LTBP1: variants seen among roughly 807,000 people sequenced by gnomAD.
The protein encoded by LTBP1 is latent-transforming growth factor beta-binding protein 1.
A neutral mutation model predicts 207.6 loss-of-function variants in LTBP1; 129 were observed. The ratio of observed to expected loss-of-function variants is 0.62; its 90% CI spans 0.54 to 0.72. The LOEUF (loss-of-function observed/expected upper bound fraction) is 0.72. Ranked by LOEUF, LTBP1 falls within the 30% of genes least tolerant of loss-of-function variation. The pLI, the probability that LTBP1 is intolerant of heterozygous loss-of-function variation, is 0.00. For synonymous variants in LTBP1, 963 were observed against 833.7 expected, an observed-to-expected ratio of 1.16 and a Z score of -2.67; for missense variants, 2,281 against 2,217.2, an observed-to-expected ratio of 1.03 and a Z score of -0.58.
At chr2:33,349,778 A>G (rs1053034953) in intron 26 of LTBP1, among the ~76,000 whole-genome samples, 10 of 152,218 alleles carry the variant, frequency 6.6e-5, no homozygotes, top group African/African-American at 2.2e-4. Flanking sequence ...TTACATTCAT[A>G]TTGTACTGGT....
At chr2:33,320,717 G>T (rs963900420) in intron 24 of LTBP1, among the ~76,000 whole-genome samples, 1 of 152,164 alleles carries the variant, frequency 6.6e-6, no homozygotes, top group African/African-American at 2.4e-5. Context: ...ATCAGATAAA[G>T]TACAACGCCA....
intron 7 of LTBP1, among the ~76,000 whole-genome samples, chr2:33,201,552 A>G (rs571296382): frequency 2.7e-4 from 41 of 152,172 alleles, no homozygotes; most frequent in African/African-American, 7.5e-4. Flanking sequence ...TGGGTGCAGC[A>G]CACCAGCATG....
intron 15 of LTBP1, among the ~76,000 whole-genome samples, chr2:33,264,479 T>C (rs2148089001): frequency 6.6e-6 from 1 of 152,266 alleles, no homozygotes; most frequent in African/African-American, 2.4e-5. Context: ...TTTTATATTC[T>C]GAAACAAATG....
intron 4 of LTBP1, among the ~76,000 whole-genome samples, chr2:33,114,236 G>C (rs1217376218): frequency 1.3e-5 from 2 of 152,210 alleles, no homozygotes; most frequent in Non-Finnish European, 2.9e-5. Flanking sequence ...GTATCATCTA[G>C]AGTAGGGATT....
At chr2:33,179,928 G>T (rs894471146) in intron 5 of LTBP1, among the ~76,000 whole-genome samples, 3 of 152,140 alleles carry the variant, frequency 2.0e-5, no homozygotes, top group African/African-American at 7.2e-5. Context: ...GCCTGTGTCT[G>T]TATCTGAAAC....
At position 33,237,962 on chromosome 2, in the gene LTBP1, G is replaced by A. The variant is rs150348384; in HGVS notation, c.1877-5700G>A. 8.9e-4 allele frequency among the ~76,000 whole-genome samples: 135 copies of A among 152,250 alleles called. 3 individuals are homozygous for A. In the South Asian group the frequency reaches 0.028, roughly 31 times the overall value. ...GATTAGTTCCCTTAAAAGTGTCTAA[G>A]CCTGTGTGTACCCTATAGAATATCT... is the stretch of plus-strand genomic sequence containing the variant. On this transcript the variant is annotated intron_variant, in intron 9 of 33. Transcript: ENST00000404816.
At chr2:33,309,099 A>G (rs2058824846) in intron 22 of LTBP1, among the ~76,000 whole-genome samples, 2 of 152,028 alleles carry the variant, frequency 1.3e-5, no homozygotes, top group Non-Finnish European at 2.9e-5. Flanking sequence ...ACTGGCCAAC[A>G]TGGTGAAACC....
At chr2:32,947,935 G>T in intron 1 of LTBP1, 117 bp downstream of exon 1, 1 of 921,774 alleles carries the variant, frequency 1.1e-6, no homozygotes, top group Non-Finnish European at 1.4e-6. Flanking sequence ...GCGCGCGGTG[G>T]GTCGGCTTTC....
At chr2:33,202,358 A>G (rs2089403907) in intron 7 of LTBP1, among the ~76,000 whole-genome samples, 1 of 152,182 alleles carries the variant, frequency 6.6e-6, no homozygotes, top group Non-Finnish European at 1.5e-5. Flanking sequence ...GGTTGGGTCG[A>G]TGCAGATGAG....
rs187346740 is a variant in LTBP1 at position 33,275,880 on chromosome 2, C to T, written c.2949C>T (p.Tyr983=). 1.9e-6 allele frequency: 3 copies of T among 1,610,620 alleles called. No homozygotes were observed. In the African/African-American group the frequency reaches 4.0e-5, roughly 21 times the overall value. The change falls in exon 18 of 34, where the codon TAC becomes TAT. Residue 983 remains tyrosine, a synonymous_variant. Coordinates refer to ENST00000404816, the MANE Select transcript of LTBP1 (RefSeq NM_206943.4). ...CTGTGGGGGCCTTCCGGTGTGAATA[C>T]TGTGACAGCGGGTACCGCATGACTC... ...VNTVGAFRCE[Y]CDSGYRMTQR...
intron 18 of LTBP1, among the ~76,000 whole-genome samples, chr2:33,276,332 C>T (rs1283342033): frequency 6.6e-6 from 1 of 152,150 alleles, no homozygotes; most frequent in Non-Finnish European, 1.5e-5. Flanking sequence ...CTTTCTTTTA[C>T]ATGTGTTCTG....
intron 7 of LTBP1, among the ~76,000 whole-genome samples, chr2:33,199,365 T>A (rs1195720941): frequency 6.6e-6 from 1 of 152,204 alleles, no homozygotes; most frequent in African/African-American, 2.4e-5. Flanking sequence ...CTGAAAAAAA[T>A]GTATATTCTG....
intron 24 of LTBP1, among the ~76,000 whole-genome samples, chr2:33,339,457 T>A (rs7595330): frequency 0.57 from 86,010 of 151,878 alleles, 25,675 homozygotes; most frequent in African/African-American, 0.76. Flanking sequence ...AAAGCCTACC[T>A]TTAGCAGTGG....
At chr2:33,210,422 G>A (rs1309806951) in intron 7 of LTBP1, among the ~76,000 whole-genome samples, 2 of 152,018 alleles carry the variant, frequency 1.3e-5, no homozygotes, top group East Asian at 3.9e-4. Flanking sequence ...TTCAGGGGAA[G>A]TACTAGATAT....
chr2:33,217,760 A>G (rs2090821714), intron 8 of LTBP1, 106 bp downstream of exon 8: 1 of 829,458 alleles, frequency 1.2e-6, no homozygotes. Context: ...GAACTCTCCT[A>G]CTGAATTCTA....
At chr2:33,121,621 T>G (rs934835480) in intron 4 of LTBP1, among the ~76,000 whole-genome samples, 1 of 152,222 alleles carries the variant, frequency 6.6e-6, no homozygotes, top group African/African-American at 2.4e-5. Flanking sequence ...CCTCCCACGC[T>G]TTCAGCTTAC....
At chr2:33,312,450 T>G (rs1388808080) in intron 23 of LTBP1, among the ~76,000 whole-genome samples, 4 of 152,180 alleles carry the variant, frequency 2.6e-5, no homozygotes, top group Non-Finnish European at 5.9e-5. Context: ...GCAGGATACA[T>G]TTGAGATTCA....
chr2:33,136,885 A>C (rs907537541), intron 5 of LTBP1, among the ~76,000 whole-genome samples: 3 of 152,156 alleles, frequency 2.0e-5, no homozygotes, highest in Non-Finnish European at 2.9e-5. Flanking sequence ...CAAAAGCAGA[A>C]CTCCACTCTC....
intron 9 of LTBP1, among the ~76,000 whole-genome samples, chr2:33,229,930 C>G (rs2091692339): frequency 6.6e-6 from 1 of 152,182 alleles, no homozygotes; most frequent in African/African-American, 2.4e-5. Context: ...AATTACATTA[C>G]AAAGGCATTT....
Sources: gnomAD v4.1 joint callset for allele counts (sites outside exome capture counted in the v4.1 genomes callset) on GRCh38, gnomAD v4.1.1 for gene constraint, MANE v1.5 for transcripts, NCBI Gene and HGNC (gene_info 2026-07-23, HGNC 2026-07-21) for gene names.